RRM1: variants seen among roughly 807,000 people sequenced by gnomAD.
The protein encoded by RRM1 is ribonucleotide reductase catalytic subunit M1.
RRM1 carries 19 observed loss-of-function variants against 101.5 expected under a neutral mutation model. The observed-to-expected ratio is 0.19, with a 90% CI of 0.13 to 0.27. The LOEUF (loss-of-function observed/expected upper bound fraction) is 0.27. RRM1 is among the 10% of genes least tolerant of loss of function. The pLI is 1.00. For synonymous variants in RRM1, 298 were observed against 323.4 expected, an observed-to-expected ratio of 0.92 and a Z score of 0.84; for missense variants, 500 against 962.9, an observed-to-expected ratio of 0.52 and a Z score of 6.36.
intron 3 of RRM1, among the ~76,000 whole-genome samples, chr11:4,106,881 T>G (rs1366840051): frequency 1.3e-5 from 2 of 152,188 alleles, no homozygotes; most frequent in African/African-American, 4.8e-5. Context: ...TTTTTTCATT[T>G]TCTCTTTTTA....
intron 18 of RRM1, among the ~76,000 whole-genome samples, chr11:4,136,616 G>C (rs906884249): frequency 2.6e-5 from 4 of 151,912 alleles, no homozygotes; most frequent in Non-Finnish European, 5.9e-5. Flanking sequence ...GGAGTGCAAT[G>C]ATACAGTCTT....
intron 2 of RRM1, among the ~76,000 whole-genome samples, chr11:4,104,899 C>T (rs2094556272): frequency 6.6e-6 from 1 of 152,056 alleles, no homozygotes; most frequent in African/African-American, 2.4e-5. Flanking sequence ...TCTGTACTTA[C>T]CTTATGTGGA....
At chr11:4,136,081 G>C (rs1024045063) in intron 18 of RRM1, among the ~76,000 whole-genome samples, 1 of 151,900 alleles carries the variant, frequency 6.6e-6, no homozygotes, top group African/African-American at 2.4e-5. Flanking sequence ...TTTCCAAAGA[G>C]ATAAGCCTGT....
At chr11:4,137,460 C>T (rs1203715691) in intron 18 of RRM1, among the ~76,000 whole-genome samples, 1 of 130,024 alleles carries the variant, frequency 7.7e-6, no homozygotes, top group Non-Finnish European at 1.7e-5. Flanking sequence ...ACACCCCCAC[C>T]TCCCTCCCGG....
chr11:4,123,362 T>C lies in RRM1; in HGVS notation c.1298T>C (p.Val433Ala). 6.2e-7 allele frequency: 1 copy of C among 1,614,000 alleles called. No individual in the cohort carries two copies. Among genetic ancestry groups the C allele is most frequent in the Non-Finnish European group, 8.5e-7 (1 of 1,179,956 alleles). ...TGCAGCAACCTGTGCACAGAAATAGTGGAGTACACCAGCAAAGATGAGGTA... is the reference window on the plus strand; with the variant it reads ...TGCAGCAACCTGTGCACAGAAATAGCGGAGTACACCAGCAAAGATGAGGTA... ...IKCSNLCTEIVEYTSKDEVAV... is the reference protein window; with the variant it reads ...IKCSNLCTEIAEYTSKDEVAV... Residue 433 changes from valine (V) to alanine (A), a missense_variant, in exon 12 of 19, where the codon GTG (valine) becomes GCG (alanine). Val to Ala is a moderately conservative substitution (Grantham distance 64). This residue lies in a region of RRM1 where 80 missense variants were observed against 170.9 expected (regional missense o/e 0.47). Coordinates refer to ENST00000300738, the MANE Select transcript of RRM1 (RefSeq NM_001033.5).
rs111252645 is a variant in RRM1 at position 4,134,716 on chromosome 11, C to G, written c.2002-366C>G. On this transcript the variant is annotated intron_variant, in intron 17 of 18. Transcript: ENST00000300738. Reference sequence around the variant, plus strand: ...TTACAGCCCTTATTTTTTGTGTTTTCTGCAAAACTCAAGGGTCATTTATTG... The same window carrying G: ...TTACAGCCCTTATTTTTTGTGTTTTGTGCAAAACTCAAGGGTCATTTATTG... Among the ~76,000 whole-genome samples the G allele has an allele frequency of 2.6e-3, 395 of 152,242 alleles. 2 individuals are homozygous for G. The highest frequency in any genetic ancestry group is 2.7e-3 in the Non-Finnish European group (186 of 68,006).
chr11:4,099,274 G>A (rs2094547554), intron 1 of RRM1: 1 of 145,786 alleles, frequency 6.9e-6, no homozygotes, highest in East Asian at 2.0e-4. Context: ...CGAGTAGCTG[G>A]GATTACAGCA....
intron 11 of RRM1, 52 bp from the exon 12 acceptor site, chr11:4,123,131 A>G (rs1389122459): frequency 2.9e-6 from 4 of 1,393,118 alleles, no homozygotes; most frequent in Middle Eastern, 2.0e-4. Context: ...GTTGTCTACA[A>G]TAAAGTTTTT....
At chr11:4,126,977 G>A in intron 13 of RRM1, 58 bp from the exon 14 acceptor site, 2 of 1,499,470 alleles carry the variant, frequency 1.3e-6, no homozygotes, top group Non-Finnish European at 1.8e-6. Context: ...GGTACAGAAT[G>A]TTGCTTTTCC....
chr11:4,097,172 G>C (rs1036695243), intron 1 of RRM1, among the ~76,000 whole-genome samples: 1 of 150,206 alleles, frequency 6.7e-6, no homozygotes, highest in African/African-American at 2.5e-5. Context: ...TGTAATCCCA[G>C]CTACTCAGGA....
chr11:4,124,474 T>C (rs2094586453), intron 12 of RRM1, among the ~76,000 whole-genome samples: 1 of 152,250 alleles, frequency 6.6e-6, no homozygotes, highest in South Asian at 2.1e-4. Flanking sequence ...GTGCAGTAGC[T>C]ATATGTAAAA....
At position 4,132,424 on chromosome 11, in the gene RRM1, G is replaced by A; in HGVS notation, c.1905+3G>A. Reference sequence around the variant, plus strand: ...GAGTCTTGTCAGGAGAATTTCAGGTGAGCAGTTCACAACCAGCCTTACAGG... The same window carrying A: ...GAGTCTTGTCAGGAGAATTTCAGGTAAGCAGTTCACAACCAGCCTTACAGG... On this transcript the variant is annotated splice_donor_region_variant and intron_variant, in intron 16 of 18. Coordinates refer to ENST00000300738, the MANE Select transcript of RRM1 (RefSeq NM_001033.5). This position sits in a 1 kb window ranked among gnomAD's most constrained non-coding sequence, Gnocchi z 4.1. 1 of 1,613,996 alleles carries A rather than the reference G, an allele frequency of 6.2e-7. No individual in the cohort carries two copies. Among genetic ancestry groups the A allele is most frequent in the South Asian group, 1.1e-5 (1 of 91,056 alleles).
intron 7 of RRM1, chr11:4,116,346 C>T (rs1048496524): frequency 6.6e-6 from 1 of 152,290 alleles, no homozygotes; most frequent in African/African-American, 2.4e-5. Context: ...AAGTTTCACA[C>T]TTTGGGAGGC....
In RRM1 at chr11:4,132,300, A is replaced by G; in HGVS notation, c.1784A>G (p.Asn595Ser). 6.2e-7 allele frequency: 1 copy of G among 1,614,162 alleles called. No homozygotes were observed. Among genetic ancestry groups the G allele is most frequent in the Non-Finnish European group, 8.5e-7 (1 of 1,180,010 alleles). ...KEKIAKYGIR[N>S]SLLIAPMPTA... is the part of the protein sequence containing the mutation. The stretch of plus-strand genomic sequence containing the variant: ...CTTTTCTTTAGGTATGGTATAAGAA[A>G]CAGTTTACTTATTGCCCCGATGCCT... The change falls in exon 16 of 19, where the codon AAC becomes AGC. Residue 595 changes from asparagine to serine, a missense_variant. Around this residue, in one of 9 missense-constraint regions of RRM1, gnomAD observed 106 missense variants for 138.1 expected, o/e 0.77. Transcript: ENST00000300738. This position sits in a 1 kb window ranked among gnomAD's most constrained non-coding sequence, Gnocchi z 4.1.
At chr11:4,129,010 T>G in intron 14 of RRM1, 64 bp from the exon 15 acceptor site, 1 of 759,396 alleles carries the variant, frequency 1.3e-6, no homozygotes, top group African/African-American at 1.8e-5. Context: ...ATTTGTGGGT[T>G]TTTTTTTTTT....
In RRM1 at chr11:4,094,821, G is replaced by A. The variant is rs1006890664; in HGVS notation, c.-192G>A. On this transcript the variant is annotated 5_prime_UTR_variant, in exon 1 of 19. Coordinates refer to ENST00000300738, the MANE Select transcript of RRM1 (RefSeq NM_001033.5). ...CGCCCCTTTGTGCGTCACGGGTGGCGGGCGCGGGAAGGGGATTTGGATTGT... is the reference window on the plus strand; with the variant it reads ...CGCCCCTTTGTGCGTCACGGGTGGCAGGCGCGGGAAGGGGATTTGGATTGT... The A allele has an allele frequency of 1.1e-5, 7 of 615,078 alleles. No individual in the cohort carries two copies. The highest frequency in any genetic ancestry group is 1.1e-4 in the African/African-American group (6 of 54,392). 38.1% of individuals were successfully genotyped at this position (615,078 alleles called of 1,614,324 possible).
chr11:4,118,748 T>C (rs720106), intron 8 of RRM1, among the ~76,000 whole-genome samples: 6,174 of 152,296 alleles, frequency 0.041, 265 homozygotes, highest in East Asian at 0.19. Flanking sequence ...GATTGCTTAC[T>C]GTATGTTAAG....
intron 17 of RRM1, among the ~76,000 whole-genome samples, chr11:4,134,029 C>T (rs1455364691): frequency 1.6e-5 from 2 of 125,174 alleles, no homozygotes; most frequent in Admixed American, 1.0e-4. Flanking sequence ...GTCGCCCAGG[C>T]TGGAGTGCAG....
intron 1 of RRM1, among the ~76,000 whole-genome samples, chr11:4,099,997 T>G (rs1388992033): frequency 6.6e-6 from 1 of 152,202 alleles, no homozygotes; most frequent in Non-Finnish European, 1.5e-5. Context: ...TGCAGTTACC[T>G]GCCTGCTTAG....
Sources: allele counts gnomAD v4.1 joint callset (sites outside exome capture counted in the v4.1 genomes callset), GRCh38; gene constraint gnomAD v4.1.1; regional missense constraint gnomAD v4.1.1; non-coding constraint Gnocchi (gnomAD v3.1); transcripts MANE v1.5; gene names NCBI Gene and HGNC (gene_info 2026-07-23, HGNC 2026-07-21).